PIK3R1: variants seen among roughly 807,000 people sequenced by gnomAD.
The protein encoded by PIK3R1 is phosphatidylinositol 3-kinase regulatory subunit alpha.
PIK3R1 carries 29 observed loss-of-function variants against 98.0 expected under a neutral mutation model. The ratio of observed to expected loss-of-function variants is 0.30; its 90% CI spans 0.22 to 0.40. The LOEUF is 0.40. PIK3R1 is among the 10% of genes least tolerant of loss of function. The pLI, the probability that PIK3R1 is intolerant of heterozygous loss-of-function variation, is 1.00. For synonymous variants in PIK3R1, 282 were observed against 311.8 expected (o/e 0.90, Z 1.01); for missense variants, 596 against 872.7 (o/e 0.68, Z 3.99).
chr5:68,273,882 G>A (rs1746465818), intron 3 of PIK3R1, 57 bp from the exon 4 acceptor site: 4 of 1,324,230 alleles, frequency 3.0e-6, no homozygotes, highest in Non-Finnish European at 4.4e-6. Context: ...CAGCCTCACA[G>A]GTTCTCCAGA....
chr5:68,246,920 T>C (rs1053388422), intron 2 of PIK3R1, among the ~76,000 whole-genome samples: 2 of 151,930 alleles, frequency 1.3e-5, no homozygotes, highest in Non-Finnish European at 2.9e-5. Context: ...AAAAAAATGC[T>C]GAGCCTTAAG....
rs1464849898 is a variant in PIK3R1, at chr5:68,298,513, T to C, written c.*912T>C. 1 of 233,210 alleles carries C rather than the reference T, an allele frequency of 4.3e-6. No individual in the cohort carries two copies. The highest frequency in any genetic ancestry group is 2.2e-5 in the African/African-American group (1 of 45,316). 14.4% of individuals were successfully genotyped at this position (233,210 alleles called of 1,614,324 possible). ...TGCTTGAAAATATTGTTGTCCCGGA[T>C]TTTTGTTAATATTCATTTTTGTTAT... On this transcript the variant is annotated 3_prime_UTR_variant, in exon 16 of 16. Transcript: ENST00000521381.
intron 2 of PIK3R1, among the ~76,000 whole-genome samples, chr5:68,241,763 C>T (rs1399058302): frequency 6.6e-6 from 1 of 152,212 alleles, no homozygotes; most frequent in African/African-American, 2.4e-5. Flanking sequence ...ACCCTCAAGA[C>T]GAGTTGCAGG....
intron 2 of PIK3R1, among the ~76,000 whole-genome samples, chr5:68,231,539 T>C (rs1432865730): frequency 2.6e-5 from 4 of 152,244 alleles, no homozygotes; most frequent in Admixed American, 1.3e-4. Flanking sequence ...TCATGGTTGT[T>C]GTTCCCTGTC....
chr5:68,235,444 A>ATAAATAAT (rs1199117508), intron 2 of PIK3R1, among the ~76,000 whole-genome samples: 13 of 139,910 alleles, frequency 9.3e-5, no homozygotes, highest in African/African-American at 3.4e-4. Context: ...AAATAAATAA[A>ATAAATAAT]TAATTTTCAA....
At chr5:68,256,431 C>T (rs537553280) in intron 2 of PIK3R1, among the ~76,000 whole-genome samples, 3 of 152,222 alleles carry the variant, frequency 2.0e-5, no homozygotes, top group Non-Finnish European at 2.9e-5. Context: ...AGGGTTTCAC[C>T]GTGTTCACCA....
At chr5:68,285,239 C>G (rs1251284800) in intron 7 of PIK3R1, among the ~76,000 whole-genome samples, 1 of 152,140 alleles carries the variant, frequency 6.6e-6, no homozygotes. Flanking sequence ...TCTTTCTACC[C>G]CTTGCCCTTC....
At chr5:68,233,571 G>A (rs954544631) in intron 2 of PIK3R1, among the ~76,000 whole-genome samples, 1 of 152,118 alleles carries the variant, frequency 6.6e-6, no homozygotes, top group African/African-American at 2.4e-5. Context: ...CTTTATAAAT[G>A]TGTTATTCCT....
intron 2 of PIK3R1, among the ~76,000 whole-genome samples, chr5:68,246,313 A>ATTTT (rs11351105): frequency 7.9e-6 from 1 of 127,304 alleles, no homozygotes; most frequent in African/African-American, 3.0e-5. Context: ...TGGTGTGTAT[A>ATTTT]TTTTTTTTTT....
chr5:68,274,980 T>G (rs1176339335), intron 4 of PIK3R1, among the ~76,000 whole-genome samples: 2 of 152,178 alleles, frequency 1.3e-5, no homozygotes, highest in Admixed American at 1.3e-4. Flanking sequence ...AATGCCCACA[T>G]GACAGTAAAT....
intron 2 of PIK3R1, among the ~76,000 whole-genome samples, chr5:68,258,088 G>A (rs1745597103): frequency 6.6e-6 from 1 of 152,208 alleles, no homozygotes; most frequent in Non-Finnish European, 1.5e-5. Context: ...TGAAGCTTCA[G>A]TCTATGCACT....
chr5:68,292,513 A>G lies in PIK3R1; in HGVS notation c.1019+152A>G, dbSNP rs558204115. On this transcript the variant is annotated intron_variant, in intron 8 of 15. Transcript: ENST00000521381. The stretch of plus-strand genomic sequence containing the variant: ...AGACGACCAGAAAAAGTCACTGAGC[A>G]CTGGAGAACTGTGGGTGCTGGATGC... 2.8e-4 allele frequency: 421 copies of G among 1,508,438 alleles called. 2 individuals carry two copies. The highest frequency in any genetic ancestry group is 2.2e-4 in the Non-Finnish European group (245 of 1,121,312). The allele number at this position is 1,508,438 out of a possible 1,614,324, so 93.4% of individuals were successfully genotyped here. A position where few individuals can be genotyped will look rare whatever the true frequency, so the allele number is the denominator to read the frequency against.
At chr5:68,268,966 G>A (rs1746235307) in intron 2 of PIK3R1, among the ~76,000 whole-genome samples, 1 of 152,202 alleles carries the variant, frequency 6.6e-6, no homozygotes, top group African/African-American at 2.4e-5. Context: ...TCTATTCCAT[G>A]TGATTGGCTG....
chr5:68,297,154 C>T (rs1747766577), intron 15 of PIK3R1, among the ~76,000 whole-genome samples: 1 of 152,346 alleles, frequency 6.6e-6, no homozygotes, highest in African/African-American at 2.4e-5. Context: ...CATGCATGAT[C>T]TCATTTCATT....
intron 2 of PIK3R1, among the ~76,000 whole-genome samples, chr5:68,251,884 G>T (rs551404416): frequency 1.3e-5 from 2 of 152,216 alleles, no homozygotes; most frequent in Admixed American, 6.5e-5. Context: ...CACCCGGTTG[G>T]GGGTGGTGGA....
At chr5:68,253,908 A>C (rs913817840) in intron 2 of PIK3R1, among the ~76,000 whole-genome samples, 1 of 152,134 alleles carries the variant, frequency 6.6e-6, no homozygotes, top group Admixed American at 6.5e-5. Context: ...GAAAACAATG[A>C]ACTATAAACC....
intron 2 of PIK3R1, among the ~76,000 whole-genome samples, chr5:68,244,361 G>A (rs532808142): frequency 6.6e-6 from 1 of 152,194 alleles, no homozygotes; most frequent in Non-Finnish European, 1.5e-5. Flanking sequence ...TAAAGACTTT[G>A]GGATTTATTT....
intron 4 of PIK3R1, among the ~76,000 whole-genome samples, chr5:68,274,969 G>A (rs1055322169): frequency 6.6e-6 from 1 of 152,164 alleles, no homozygotes; most frequent in Admixed American, 6.5e-5. Context: ...ATTGTACAAA[G>A]AATGCCCACA....
intron 7 of PIK3R1, among the ~76,000 whole-genome samples, chr5:68,289,329 C>T (rs1410749417): frequency 6.6e-6 from 1 of 152,034 alleles, no homozygotes; most frequent in Non-Finnish European, 1.5e-5. Context: ...CAAGGTGAGC[C>T]TGCTTTTCCC....
Sources: gnomAD v4.1 joint callset for allele counts (sites outside exome capture counted in the v4.1 genomes callset) on GRCh38, gnomAD v4.1.1 for gene constraint, MANE v1.5 for transcripts, NCBI Gene and HGNC (gene_info 2026-07-23, HGNC 2026-07-21) for gene names.